Variants in SASH1 observed in about 807,000 individuals in gnomAD.
SASH1 encodes the protein SAM and SH3 domain-containing protein 1.
Under a neutral mutation model 125.2 loss-of-function variants are expected in SASH1, and 44 were observed. That is an observed-to-expected ratio of 0.35 (90% confidence interval 0.28 to 0.45). The LOEUF is 0.45. Among genes scored for constraint, SASH1 ranks in the 20% least tolerant of loss-of-function variants. The pLI, the probability that SASH1 is intolerant of heterozygous loss-of-function variation, is 1.00. For synonymous variants in SASH1, 639 were observed against 649.1 expected, an observed-to-expected ratio of 0.98 and a Z score of 0.24; for missense variants, 1,426 against 1,614.5, an observed-to-expected ratio of 0.88 and a Z score of 2.00.
At chr6:148,204,126 T>C in the SASH1 span, among the ~76,000 whole-genome samples, 54 of 152,308 alleles carry the variant, frequency 3.5e-4, no homozygotes, top group African/African-American at 1.2e-3. Flanking sequence ...ACAGCAGCAG[T>C]TGATGAATCC....
chr6:148,465,110 G>A (rs973204070), intron 4 of SASH1, among the ~76,000 whole-genome samples: 4 of 152,144 alleles, frequency 2.6e-5, no homozygotes, highest in Non-Finnish European at 5.9e-5. Flanking sequence ...TGTAGCAGTG[G>A]GAGCGTACAT....
intron 1 of SASH1, among the ~76,000 whole-genome samples, chr6:148,303,629 T>C (rs1780034613): frequency 6.6e-6 from 1 of 151,694 alleles, no homozygotes; most frequent in South Asian, 2.1e-4. Flanking sequence ...AAACCCCGTC[T>C]CTACTAAAAA....
chr6:148,314,543 C>T (rs1166672225), intron 1 of SASH1, among the ~76,000 whole-genome samples: 1 of 152,130 alleles, frequency 6.6e-6, no homozygotes, highest in Non-Finnish European at 1.5e-5. Context: ...GGAGTTATTT[C>T]TAAGACATTC....
upstream of SASH1, among the ~76,000 whole-genome samples, chr6:148,269,454 A>G (rs908638593): frequency 6.6e-6 from 1 of 152,188 alleles, no homozygotes; most frequent in Non-Finnish European, 1.5e-5. Context: ...AATAGTTTAT[A>G]GAGACAAAGT....
At chr6:148,509,464 G>A (rs1158607700) in intron 8 of SASH1, 4 of 155,946 alleles carry the variant, frequency 2.6e-5, no homozygotes, top group Admixed American at 1.2e-4. Flanking sequence ...CGTGTGTTTC[G>A]AGCTAGGGAA....
chr6:148,238,201 C>T, the SASH1 span, among the ~76,000 whole-genome samples: 1 of 151,788 alleles, frequency 6.6e-6, no homozygotes, highest in Non-Finnish European at 1.5e-5. Flanking sequence ...TAGTTTCACC[C>T]CATAGTACTT....
intron 4 of SASH1, among the ~76,000 whole-genome samples, chr6:148,441,997 T>G (rs775250951): frequency 6.6e-5 from 10 of 152,270 alleles, no homozygotes; most frequent in Non-Finnish European, 1.2e-4. Context: ...TTCTAAACAA[T>G]TTGAAAGTTT....
chr6:148,378,073 C>T (rs1229061392), intron 1 of SASH1, among the ~76,000 whole-genome samples: 5 of 144,214 alleles, frequency 3.5e-5, no homozygotes, highest in African/African-American at 1.3e-4. Flanking sequence ...TTTTTTTTGA[C>T]GGAGTTTTGC....
chr6:148,423,688 G>A (rs537926539), intron 2 of SASH1, among the ~76,000 whole-genome samples: 1 of 152,230 alleles, frequency 6.6e-6, no homozygotes, highest in South Asian at 2.1e-4. Context: ...TTGCTTAACT[G>A]CGAGCTCTTG....
At chr6:148,203,735 G>T in the SASH1 span, among the ~76,000 whole-genome samples, 2 of 152,164 alleles carry the variant, frequency 1.3e-5, no homozygotes, top group African/African-American at 4.8e-5. Flanking sequence ...AAGTAAAAAT[G>T]GGCTAACTAT....
intron 1 of SASH1, among the ~76,000 whole-genome samples, chr6:148,383,181 A>G (rs1410951867): frequency 1.3e-5 from 2 of 152,230 alleles, no homozygotes; most frequent in African/African-American, 4.8e-5. Context: ...GGTTGTAGCA[A>G]TTTCACCTGA....
At chr6:148,381,318 C>T (rs184262860) in intron 1 of SASH1, among the ~76,000 whole-genome samples, 32 of 152,268 alleles carry the variant, frequency 2.1e-4, no homozygotes, top group Admixed American at 2.6e-4. Flanking sequence ...TCAAGCCTGC[C>T]GAATCCTAGG....
At chr6:148,265,922 G>A in the SASH1 span, among the ~76,000 whole-genome samples, 1 of 152,020 alleles carries the variant, frequency 6.6e-6, no homozygotes, top group East Asian at 1.9e-4. Flanking sequence ...TATTAGAAGT[G>A]GTAATACAAT....
intron 1 of SASH1, among the ~76,000 whole-genome samples, chr6:148,324,094 T>C: frequency 9.0e-6 from 1 of 110,828 alleles, no homozygotes; most frequent in East Asian, 3.1e-4. Context: ...CACGCCAGCG[T>C]GGTGACAGAG....
chr6:148,365,876 G>A (rs948906835), intron 1 of SASH1, among the ~76,000 whole-genome samples: 1 of 152,160 alleles, frequency 6.6e-6, no homozygotes, highest in Non-Finnish European at 1.5e-5. Context: ...ACTTTGGGAG[G>A]CCAAGGCAGG....
rs757006511 is a variant in SASH1, at chr6:148,519,591, C to T, written c.907C>T (p.Arg303Trp). Residue 303 changes from arginine to tryptophan, a missense_variant, in exon 10 of 20, where the codon CGG (arginine) becomes TGG (tryptophan). Arg to Trp is a moderately radical substitution (Grantham distance 101). Transcript: ENST00000367467. The surrounding 1 kb of genome is among the most constrained non-coding windows in gnomAD (Gnocchi z 4.8). ...VFENSPVLDE[R>W]SALYSGVHKK... ...TGAGAATTCGCCGGTCCTGGATGAA[C>T]GGTCCGCCCTCTACTCTGGCGTGCA... 12 of 1,614,124 alleles carry T rather than the reference C, an allele frequency of 7.4e-6. No homozygotes were observed. The highest frequency in any genetic ancestry group is 2.2e-5 in the East Asian group (1 of 44,862).
chr6:148,519,930 C>T lies in SASH1; in HGVS notation c.1209+37C>T, dbSNP rs976108273. On this transcript the variant is annotated intron_variant, in intron 10 of 19. Coordinates refer to ENST00000367467, the MANE Select transcript of SASH1 (RefSeq NM_015278.5). The surrounding 1 kb of genome is among the most constrained non-coding windows in gnomAD (Gnocchi z 4.8). ...TGGTGTTTGCTTCTATGACAACCAC[C>T]GTCGCAGGCACCACCTTCTGGTGTC... is the stretch of plus-strand genomic sequence containing the variant. 52 of 1,424,658 alleles carry T rather than the reference C, an allele frequency of 3.6e-5. No individual in the cohort carries two copies. The highest frequency in any genetic ancestry group is 2.5e-4 in the Middle Eastern group (1 of 4,054). 88.3% of individuals were successfully genotyped at this position (1,424,658 alleles called of 1,614,324 possible).
At chr6:148,304,077 G>T (rs1780051669) in intron 1 of SASH1, among the ~76,000 whole-genome samples, 2 of 152,026 alleles carry the variant, frequency 1.3e-5, no homozygotes, top group South Asian at 4.1e-4. Context: ...GGCCGAGGTG[G>T]GTGGATCACG....
chr6:148,541,863 T>C (rs1219282745), intron 17 of SASH1, among the ~76,000 whole-genome samples: 1 of 152,162 alleles, frequency 6.6e-6, no homozygotes, highest in Non-Finnish European at 1.5e-5. Context: ...CTTGGGAAGA[T>C]AGTAGTTCTC....
Sources: gnomAD v4.1 joint callset for allele counts (sites outside exome capture counted in the v4.1 genomes callset) on GRCh38, gnomAD v4.1.1 for gene constraint, Gnocchi (gnomAD v3.1) non-coding constraint, MANE v1.5 for transcripts, NCBI Gene and HGNC (gene_info 2026-07-23, HGNC 2026-07-21) for gene names.